The following HOMER2 variants were observed in gnomAD, a reference collection of about 807,000 sequenced individuals.
HOMER2 encodes homer scaffold protein 2, also known as homer protein homolog 2.
Under a neutral mutation model 47.0 loss-of-function variants are expected in HOMER2, and 27 were observed. That is an observed-to-expected ratio of 0.57 (90% confidence interval 0.42 to 0.79). HOMER2 has a LOEUF of 0.79. Among genes scored for constraint, HOMER2 ranks in the 30% least tolerant of loss-of-function variants. The pLI is 0.00. For synonymous variants in HOMER2, 161 were observed against 163.8 expected, an observed-to-expected ratio of 0.98 and a Z score of 0.13; for missense variants, 443 against 435.0, an observed-to-expected ratio of 1.02 and a Z score of -0.16.
At chr15:82,876,152 G>A (rs180889673) in intron 2 of HOMER2, among the ~76,000 whole-genome samples, 17 of 152,238 alleles carry the variant, frequency 1.1e-4, no homozygotes, top group Admixed American at 4.6e-4. Flanking sequence ...AAACACCCTC[G>A]CCTCTCTCCC....
Position 82,875,333 on chromosome 15 carries a change from G to A in HOMER2, c.234C>T (p.Ala78=), listed in dbSNP as rs200280749. The A allele has an allele frequency of 1.2e-3, 2,005 of 1,613,890 alleles. 6 individuals are homozygous for A. Among genetic ancestry groups the A allele is most frequent in the South Asian group, 2.2e-3 (201 of 91,066 alleles). ...TKTSQKFGQW[A]DSRANTVFGL... ...CAAACACTGTGTTGGCTCTGCTGTC[G>A]GCCCACTGCCCAAACTTCTGTGACG... The change falls in exon 3 of 9, where the codon GCC becomes GCT. Residue 78 remains alanine, a synonymous_variant. Transcript: ENST00000450735.
rs757701596 is a variant in HOMER2 at position 82,892,815 on chromosome 15, G to A, written c.32C>T (p.Ala11Val). The A allele has an allele frequency of 1.2e-5, 19 of 1,599,230 alleles. No individual in the cohort carries two copies. The highest frequency in any genetic ancestry group is 1.5e-5 in the Non-Finnish European group (17 of 1,169,702). ...GTTGGGGTCAATCTGGAAGACATGC[G>A]CTCGGGTGGTGAAGATGGGCTGTTC... MGEQPIFTTR[A>V]HVFQIDPNTK... The change falls in exon 2 of 9, where the codon GCG becomes GTG. Residue 11 changes from alanine to valine, a missense_variant. Transcript: ENST00000450735.
intron 1 of HOMER2, among the ~76,000 whole-genome samples, chr15:82,950,586 C>G (rs1275576667): frequency 6.6e-6 from 1 of 152,154 alleles, no homozygotes; most frequent in Non-Finnish European, 1.5e-5. Flanking sequence ...AGCTGCATCT[C>G]AATTTACGAC....
intron 2 of HOMER2, among the ~76,000 whole-genome samples, chr15:82,882,561 G>A (rs2667385): frequency 0.57 from 87,123 of 152,078 alleles, 25,206 homozygotes; most frequent in East Asian, 0.83. Flanking sequence ...ACATTGTCCC[G>A]GGGAAGAAGG....
At chr15:82,983,570 C>G (rs151251138) in intron 1 of HOMER2, among the ~76,000 whole-genome samples, 2 of 151,732 alleles carry the variant, frequency 1.3e-5, no homozygotes, top group Non-Finnish European at 2.9e-5. Context: ...AGAATTGGAG[C>G]CTTTCCTGAT....
In HOMER2 at chr15:82,951,640, C is replaced by G. The variant is rs1252283083; in HGVS notation, c.5+891G>C. Among the ~76,000 whole-genome samples the G allele has an allele frequency of 1.3e-5, 2 of 152,218 alleles. 1 individual carries two copies. The highest frequency in any genetic ancestry group is 2.9e-5 in the Non-Finnish European group (2 of 68,038). On this transcript the variant is annotated intron_variant, in intron 1 of 8. Transcript: ENST00000450735. ...AGATTTAGGAATTCTGGTTCACTTA[C>G]CCGCCTCCATGCCCACGTCAGGCAG...
Position 82,903,326 on chromosome 15 carries a change from T to G in HOMER2, c.6-10485A>C, listed in dbSNP as rs572253257. 9.1e-4 allele frequency among the ~76,000 whole-genome samples: 139 copies of G among 152,044 alleles called. 1 individual carries two copies. The highest frequency in any genetic ancestry group is 1.8e-3 in the Non-Finnish European group (119 of 67,932). On this transcript the variant is annotated intron_variant, in intron 1 of 8. Coordinates refer to ENST00000450735, the MANE Select transcript of HOMER2 (RefSeq NM_004839.4). The stretch of plus-strand genomic sequence containing the variant: ...GAAGTCGCCACTCCATTTTAACAAG[T>G]AAAAGGCTGGGTGCGGTGGCTCTCG...
At chr15:82,864,038 G>C (rs530308845) in intron 4 of HOMER2, 129 bp downstream of exon 4, 2 of 586,118 alleles carry the variant, frequency 3.4e-6, no homozygotes, top group Non-Finnish European at 6.1e-6. Context: ...CTGTGATCAG[G>C]CTAATAGTTG....
At chr15:82,859,824 G>C (rs2151623811) in intron 4 of HOMER2, among the ~76,000 whole-genome samples, 1 of 151,994 alleles carries the variant, frequency 6.6e-6, no homozygotes, top group Middle Eastern at 3.4e-3. Flanking sequence ...GAAGAAACTA[G>C]AAGAGAATGG....
chr15:82,871,684 G>C (rs886733335), intron 3 of HOMER2, among the ~76,000 whole-genome samples: 2 of 152,182 alleles, frequency 1.3e-5, no homozygotes, highest in African/African-American at 4.8e-5. Context: ...CAGAGGCTGA[G>C]TGGCTTGGCA....
chr15:82,858,372 C>T (rs1336567323), intron 5 of HOMER2, among the ~76,000 whole-genome samples: 4 of 152,060 alleles, frequency 2.6e-5, no homozygotes, highest in Non-Finnish European at 4.4e-5. Flanking sequence ...TCACTGCAGC[C>T]TCTGCCACCT....
intron 4 of HOMER2, among the ~76,000 whole-genome samples, chr15:82,862,639 T>C (rs1596308842): frequency 6.6e-6 from 1 of 152,180 alleles, no homozygotes; most frequent in African/African-American, 2.4e-5. Flanking sequence ...GTAATTAGCA[T>C]ACAAAATTAA....
At chr15:82,974,173 G>A (rs2030114526) in intron 1 of HOMER2, among the ~76,000 whole-genome samples, 3 of 152,172 alleles carry the variant, frequency 2.0e-5, no homozygotes, top group Non-Finnish European at 4.4e-5. Flanking sequence ...GGGAGGCAGA[G>A]GCGGGTGGAT....
At chr15:82,963,765 G>A (rs1321710073) in intron 1 of HOMER2, among the ~76,000 whole-genome samples, 4 of 152,118 alleles carry the variant, frequency 2.6e-5, no homozygotes, top group African/African-American at 4.8e-5. Context: ...TCTTATCATG[G>A]GATCTTGGGA....
chr15:82,854,887 T>C, intron 5 of HOMER2, 87 bp from the exon 6 acceptor site: 3 of 1,468,748 alleles, frequency 2.0e-6, no homozygotes, highest in Non-Finnish European at 2.8e-6. Flanking sequence ...CCGCCATCCC[T>C]CAGCACACCC....
chr15:82,970,341 G>A (rs143310899), intron 1 of HOMER2, among the ~76,000 whole-genome samples: 9 of 152,250 alleles, frequency 5.9e-5, no homozygotes, highest in Non-Finnish European at 8.8e-5. Context: ...GTTTCTTATC[G>A]CCAGTGATTT....
chr15:82,842,409 C>T (rs2151584046), exon 2 of HOMER2: 1 of 151,532 alleles, frequency 6.6e-6, no homozygotes, highest in Non-Finnish European at 1.5e-5. Context: ...GGTTCACTGC[C>T]TCAGCCTCCC....
chr15:82,875,896 A>G (rs1384927203), intron 2 of HOMER2, among the ~76,000 whole-genome samples: 1 of 152,218 alleles, frequency 6.6e-6, no homozygotes, highest in East Asian at 1.9e-4. Flanking sequence ...GTACAGTCCA[A>G]TTAGGATAAT....
intron 1 of HOMER2, among the ~76,000 whole-genome samples, chr15:82,904,359 G>T (rs1239659195): frequency 3.9e-5 from 6 of 152,190 alleles, no homozygotes; most frequent in Non-Finnish European, 7.3e-5. Context: ...GACTCAGTGT[G>T]GGGTAGGTCT....
Sources: gnomAD v4.1 joint callset for allele counts (sites outside exome capture counted in the v4.1 genomes callset) on GRCh38, gnomAD v4.1.1 for gene constraint, MANE v1.5 for transcripts, NCBI Gene and HGNC (gene_info 2026-07-23, HGNC 2026-07-21) for gene names.